The following AUH variants were observed in gnomAD, a reference collection of about 807,000 sequenced individuals.
AUH encodes methylglutaconyl-CoA hydratase, mitochondrial.
AUH carries 29 observed loss-of-function variants against 42.3 expected under a neutral mutation model. The ratio of observed to expected loss-of-function variants is 0.69; its 90% CI spans 0.51 to 0.93. The LOEUF (loss-of-function observed/expected upper bound fraction) is 0.93, where lower values mean the gene tolerates loss of function less well. AUH is among the 40% of genes least tolerant of loss of function. The probability of loss-of-function intolerance (pLI) is 0.00; values close to 1 mark genes in which losing one functional copy is unlikely to be tolerated. For missense variants in AUH, 452 were observed against 438.1 expected (o/e 1.03, Z -0.28); for synonymous variants, 174 against 166.4 (o/e 1.05, Z -0.35).
chr9:91,288,596 T>C (rs1321855645), intron 6 of AUH, among the ~76,000 whole-genome samples: 1 of 152,120 alleles, frequency 6.6e-6, no homozygotes, highest in Non-Finnish European at 1.5e-5. Context: ...AAAACATATA[T>C]ACACATATAT....
At chr9:91,320,770 C>T (rs932448937) in intron 4 of AUH, among the ~76,000 whole-genome samples, 3 of 152,182 alleles carry the variant, frequency 2.0e-5, no homozygotes, top group Admixed American at 2.0e-4. Context: ...TAGGGTCCTG[C>T]ACGTGACCCA....
intron 6 of AUH, among the ~76,000 whole-genome samples, chr9:91,230,694 T>C (rs1000409892): frequency 6.6e-6 from 1 of 152,120 alleles, no homozygotes; most frequent in African/African-American, 2.4e-5. Context: ...TTTATCTACT[T>C]TTGGTCTTTG....
intron 6 of AUH, among the ~76,000 whole-genome samples, chr9:91,231,153 G>T (rs1827852305): frequency 6.6e-6 from 1 of 152,148 alleles, no homozygotes; most frequent in African/African-American, 2.4e-5. Context: ...CCCAGCCTCG[G>T]TGCTGCCTTG....
chr9:91,216,193 TC>T, intron 8 of AUH, 87 bp from the exon 9 acceptor site: 1 of 1,289,394 alleles, frequency 7.8e-7, no homozygotes, highest in Non-Finnish European at 1.1e-6. Flanking sequence ...AATAACCTTA[TC>T]CCCAAAGCAC....
intron 3 of AUH, among the ~76,000 whole-genome samples, chr9:91,344,123 G>A (rs920802202): frequency 6.6e-6 from 1 of 152,098 alleles, no homozygotes. Context: ...GACAGAACAG[G>A]CCCTTTAAGT....
intron 6 of AUH, among the ~76,000 whole-genome samples, chr9:91,282,980 G>A (rs1826095834): frequency 6.6e-6 from 1 of 152,158 alleles, no homozygotes; most frequent in Admixed American, 6.5e-5. Context: ...GCATCATCCT[G>A]ATACCAAAGC....
intron 1 of AUH, among the ~76,000 whole-genome samples, chr9:91,357,279 G>T (rs1166709579): frequency 6.6e-6 from 1 of 152,186 alleles, no homozygotes; most frequent in East Asian, 1.9e-4. Flanking sequence ...AACCCAAGAG[G>T]TGGGCACTAC....
intron 6 of AUH, among the ~76,000 whole-genome samples, chr9:91,228,974 G>C (rs1276514380): frequency 2.0e-5 from 3 of 152,228 alleles, no homozygotes; most frequent in African/African-American, 7.2e-5. Context: ...TTACTTCCAA[G>C]AATGTGGTCA....
chr9:91,249,292 C>CAAAAAAAAAAAA (rs59102669), intron 6 of AUH, among the ~76,000 whole-genome samples: 2 of 32,532 alleles, frequency 6.1e-5, no homozygotes, highest in Non-Finnish European at 1.2e-4. Context: ...GAACCTGTCT[C>CAAAAAAAAAAAA]AAAAAAAAAA....
intron 4 of AUH, among the ~76,000 whole-genome samples, chr9:91,300,696 C>T (rs298728): frequency 0.12 from 18,756 of 152,188 alleles, 1,675 homozygotes; most frequent in African/African-American, 0.25. Context: ...CACAGGAAGG[C>T]ACCTGGAACT....
chr9:91,262,190 C>T (rs1327414869), intron 6 of AUH, among the ~76,000 whole-genome samples: 1 of 152,156 alleles, frequency 6.6e-6, no homozygotes, highest in Non-Finnish European at 1.5e-5. Context: ...TTCGAGTTAA[C>T]TAACATCATT....
chr9:91,257,437 C>T (rs750489793), intron 6 of AUH, among the ~76,000 whole-genome samples: 6 of 152,064 alleles, frequency 3.9e-5, no homozygotes, highest in Admixed American at 1.3e-4. Flanking sequence ...AGCAGCAGTG[C>T]GAGGAGCCTC....
intron 3 of AUH, among the ~76,000 whole-genome samples, chr9:91,326,149 G>A (rs184290294): frequency 1.4e-4 from 22 of 152,122 alleles, no homozygotes; most frequent in Admixed American, 2.6e-4. Context: ...ACAAACAGAC[G>A]AACAACAAAG....
At chr9:91,314,619 C>A (rs1052971489) in intron 4 of AUH, among the ~76,000 whole-genome samples, 3 of 151,662 alleles carry the variant, frequency 2.0e-5, no homozygotes, top group Non-Finnish European at 2.9e-5. Context: ...ACCAACTGAA[C>A]TGACCTTCTT....
At chr9:91,266,449 T>A (rs891854794) in intron 6 of AUH, among the ~76,000 whole-genome samples, 39 of 152,064 alleles carry the variant, frequency 2.6e-4, no homozygotes, top group Non-Finnish European at 1.0e-4. Context: ...AAGACCACAA[T>A]GAAAGGTCAT....
At position 91,355,969 on chromosome 9, in the gene AUH, A is replaced by C; in HGVS notation, c.332T>G (p.Leu111Arg). The C allele has an allele frequency of 6.2e-7, 1 of 1,612,778 alleles. No homozygotes were observed. The highest frequency in any genetic ancestry group is 8.5e-7 in the Non-Finnish European group (1 of 1,178,908). Residue 111 changes from leucine to arginine, a missense_variant and splice_region_variant, in exon 3 of 10, where the codon CTA (leucine) becomes CGA (arginine). Coordinates refer to ENST00000375731, the MANE Select transcript of AUH (RefSeq NM_001698.3). The part of the protein sequence containing the change: ...NSLSKNLIKM[L>R]SKAVDALKSD... Reference sequence around the variant, plus strand: ...TTTCAAAGCATCCACAGCTTTTGATAGCTAAACAGAAATAGGAAGCATAGG... The same window carrying C: ...TTTCAAAGCATCCACAGCTTTTGATCGCTAAACAGAAATAGGAAGCATAGG...
intron 4 of AUH, among the ~76,000 whole-genome samples, chr9:91,305,942 C>T (rs1391682203): frequency 5.1e-4 from 78 of 152,076 alleles, no homozygotes; most frequent in Non-Finnish European, 1.3e-4. Flanking sequence ...ACCACGTACC[C>T]GAGAAAAGGG....
chr9:91,299,078 C>T (rs1035324333), intron 4 of AUH, among the ~76,000 whole-genome samples: 1 of 152,048 alleles, frequency 6.6e-6, no homozygotes, highest in Non-Finnish European at 1.5e-5. Flanking sequence ...ATTAGCCAGG[C>T]ATGATGGCGG....
chr9:91,221,001 T>A lies in AUH; in HGVS notation c.656-9A>T. On this transcript the variant is annotated splice_polypyrimidine_tract_variant and intron_variant, in intron 6 of 9. Transcript: ENST00000375731. The stretch of plus-strand genomic sequence containing the variant: ...CAATCGCTGTGTCCCCCCTGAGGGG[T>A]GAAAGAGAGAGAAAAGGCAATGATT... 6.2e-7 allele frequency: 1 copy of A among 1,613,692 alleles called. No individual in the cohort carries two copies. Among genetic ancestry groups the A allele is most frequent in the Non-Finnish European group, 8.5e-7 (1 of 1,179,884 alleles).
Sources: gnomAD v4.1 joint callset for allele counts (sites outside exome capture counted in the v4.1 genomes callset) on GRCh38, gnomAD v4.1.1 for gene constraint, MANE v1.5 for transcripts, NCBI Gene and HGNC (gene_info 2026-07-23, HGNC 2026-07-21) for gene names.